CCDC91: variants seen among roughly 807,000 people sequenced by gnomAD.
CCDC91 encodes the protein coiled-coil domain-containing protein 91.
A neutral mutation model predicts 63.2 loss-of-function variants in CCDC91; 48 were observed. That is an observed-to-expected ratio of 0.76 (90% confidence interval 0.60 to 0.97). The LOEUF is 0.97. Ranked by LOEUF, CCDC91 falls within the 50% of genes least tolerant of loss-of-function variation. The pLI is 0.00. For synonymous variants in CCDC91, 167 were observed against 165.8 expected, an observed-to-expected ratio of 1.01 and a Z score of -0.06; for missense variants, 500 against 494.6, an observed-to-expected ratio of 1.01 and a Z score of -0.10.
chr12:28,517,260 A>T (rs1001945669), intron 12 of CCDC91, among the ~76,000 whole-genome samples: 3 of 151,966 alleles, frequency 2.0e-5, no homozygotes, highest in African/African-American at 7.2e-5. Context: ...CCTTAGTTAT[A>T]GGCTGAAGTG....
At chr12:28,201,012 C>A (rs1190351732) in intron 1 of CCDC91, among the ~76,000 whole-genome samples, 3 of 140,544 alleles carry the variant, frequency 2.1e-5, no homozygotes, top group Non-Finnish European at 4.6e-5. Flanking sequence ...CTGACCCCCC[C>A]ACCTCCCTCC....
At chr12:28,461,205 T>C (rs1245250639) in intron 11 of CCDC91, among the ~76,000 whole-genome samples, 1 of 152,046 alleles carries the variant, frequency 6.6e-6, no homozygotes, top group African/African-American at 2.4e-5. Flanking sequence ...CATCATATGG[T>C]CTATGACTGT....
intron 1 of CCDC91, among the ~76,000 whole-genome samples, chr12:28,249,491 T>C (rs902319535): frequency 4.6e-5 from 7 of 152,218 alleles, no homozygotes; most frequent in African/African-American, 1.7e-4. Context: ...TTTACCCATC[T>C]GGTCACAGGC....
chr12:28,458,684 C>CA (rs1852565757), intron 11 of CCDC91, among the ~76,000 whole-genome samples: 1 of 151,598 alleles, frequency 6.6e-6, no homozygotes, highest in South Asian at 2.1e-4. Context: ...TGGCCAGACT[C>CA]AAATTACTGG....
intron 3 of CCDC91, among the ~76,000 whole-genome samples, chr12:28,289,710 A>T (rs1183185045): frequency 4.9e-5 from 2 of 40,404 alleles, no homozygotes; most frequent in East Asian, 1.9e-3. Context: ...TTTTTTTTTG[A>T]CGACGGAGTC....
At chr12:28,349,347 T>C (rs1448150662) in intron 6 of CCDC91, among the ~76,000 whole-genome samples, 2 of 152,174 alleles carry the variant, frequency 1.3e-5, no homozygotes, top group Non-Finnish European at 2.9e-5. Context: ...AGCTCTATGC[T>C]GACAAATGGG....
chr12:28,472,591 T>C (rs945395253), intron 11 of CCDC91, among the ~76,000 whole-genome samples: 1 of 152,144 alleles, frequency 6.6e-6, no homozygotes, highest in African/African-American at 2.4e-5. Context: ...CAAATGTTTG[T>C]TAGTTGGTTG....
At chr12:28,511,395 A>G (rs1368906828) in intron 12 of CCDC91, among the ~76,000 whole-genome samples, 1 of 151,896 alleles carries the variant, frequency 6.6e-6, no homozygotes, top group East Asian at 1.9e-4. Flanking sequence ...TTAGGCCAAA[A>G]TAACTGCATA....
intron 6 of CCDC91, among the ~76,000 whole-genome samples, chr12:28,314,845 C>T (rs1939678986): frequency 6.6e-6 from 1 of 151,916 alleles, no homozygotes; most frequent in Non-Finnish European, 1.5e-5. Flanking sequence ...GGAATCCCAT[C>T]CTCTTCATAG....
At chr12:28,485,290 C>T (rs961247629) in intron 12 of CCDC91, among the ~76,000 whole-genome samples, 9 of 151,912 alleles carry the variant, frequency 5.9e-5, no homozygotes, top group African/African-American at 1.2e-4. Flanking sequence ...TCCTGAGTAG[C>T]TGAAATTACA....
At chr12:28,449,198 TACTC>T (rs1455315076) in intron 8 of CCDC91, among the ~76,000 whole-genome samples, 1 of 152,080 alleles carries the variant, frequency 6.6e-6, no homozygotes, top group Non-Finnish European at 1.5e-5. Context: ...TTTGGTCACT[TACTC>T]TCAATATAGA....
chr12:28,519,294 G>GTTTGTTTTGT (rs150466852), intron 12 of CCDC91, among the ~76,000 whole-genome samples: 28,726 of 150,986 alleles, frequency 0.19, 3,475 homozygotes, highest in Non-Finnish European at 0.28. Context: ...TAAGTTGTTT[G>GTTTGTTTTGT]TTTGTTTTGT....
chr12:28,363,458 TATA>T (rs953032660), intron 7 of CCDC91, among the ~76,000 whole-genome samples: 1 of 152,190 alleles, frequency 6.6e-6, no homozygotes, highest in African/African-American at 2.4e-5. Flanking sequence ...CATTGTTCAT[TATA>T]ATAATAAATA....
At chr12:28,307,303 AG>A (rs1186106566) in intron 5 of CCDC91, among the ~76,000 whole-genome samples, 4 of 151,970 alleles carry the variant, frequency 2.6e-5, no homozygotes, top group Admixed American at 6.6e-5. Flanking sequence ...ATTTGACAAG[AG>A]TACTTAGGTA....
In CCDC91 at chr12:28,450,276, A is replaced by T. The variant is rs760711000; in HGVS notation, c.855+23A>T. 1.9e-6 allele frequency: 3 copies of T among 1,580,980 alleles called. No homozygotes were observed. In the African/African-American group the frequency reaches 4.0e-5, roughly 21 times the overall value. On this transcript the variant is annotated intron_variant, in intron 9 of 12. Coordinates refer to ENST00000536442, the MANE Select transcript of CCDC91 (RefSeq NM_018318.5). Reference sequence around the variant, plus strand: ...AAGGTAATACTTTAACTGTGCTCAGAGTGTAGAAAGAATGTGTTCTGTTAC... The same window carrying T: ...AAGGTAATACTTTAACTGTGCTCAGTGTGTAGAAAGAATGTGTTCTGTTAC...
At chr12:28,535,897 T>C (rs1449576458) in intron 12 of CCDC91, among the ~76,000 whole-genome samples, 1 of 151,750 alleles carries the variant, frequency 6.6e-6, no homozygotes, top group Non-Finnish European at 1.5e-5. Context: ...GACATGGTGG[T>C]GGGCGCCCAT....
chr12:28,196,733 G>A (rs1179681511), intron 1 of CCDC91, among the ~76,000 whole-genome samples: 1 of 152,140 alleles, frequency 6.6e-6, no homozygotes, highest in Admixed American at 6.5e-5. Flanking sequence ...AATAAAGGAA[G>A]ACTATAAAAA....
At chr12:28,264,304 G>A (rs932775127) in intron 3 of CCDC91, among the ~76,000 whole-genome samples, 15 of 150,712 alleles carry the variant, frequency 1.0e-4, no homozygotes, top group Non-Finnish European at 1.9e-4. Flanking sequence ...ACTTTGCAGA[G>A]CATCTAACAT....
intron 8 of CCDC91, among the ~76,000 whole-genome samples, chr12:28,407,334 A>G (rs774756313): frequency 5.9e-5 from 9 of 152,188 alleles, no homozygotes; most frequent in African/African-American, 9.7e-5. Flanking sequence ...TCAATCGACC[A>G]TATATATGTG....
Sources: allele counts gnomAD v4.1 joint callset (sites outside exome capture counted in the v4.1 genomes callset), GRCh38; gene constraint gnomAD v4.1.1; transcripts MANE v1.5; gene names NCBI Gene and HGNC (gene_info 2026-07-23, HGNC 2026-07-21).